Variants in PIK3C3 observed in about 807,000 individuals in gnomAD.
PIK3C3 encodes phosphatidylinositol 3-kinase catalytic subunit type 3, also known as PI3-kinase type 3.
PIK3C3 carries 95 observed loss-of-function variants against 126.1 expected under a neutral mutation model. The ratio of observed to expected loss-of-function variants is 0.75; its 90% CI spans 0.64 to 0.89. The LOEUF is 0.89. Ranked by LOEUF, PIK3C3 falls within the 40% of genes least tolerant of loss-of-function variation. The probability of loss-of-function intolerance (pLI) is 0.00; values close to 1 mark genes in which losing one functional copy is unlikely to be tolerated. For missense variants in PIK3C3, 829 were observed against 1,063.2 expected (o/e 0.78, Z 3.06); for synonymous variants, 374 against 360.0 (o/e 1.04, Z -0.44).
intron 4 of PIK3C3, among the ~76,000 whole-genome samples, chr18:41,977,472 G>A (rs1009490307): frequency 1.3e-5 from 2 of 151,998 alleles, no homozygotes; most frequent in South Asian, 2.1e-4. Flanking sequence ...AGAGCCATGA[G>A]AGGAAGTGGC....
At chr18:42,070,659 C>T (rs1985736330) in intron 24 of PIK3C3, 1 of 152,120 alleles carries the variant, frequency 6.6e-6, no homozygotes, top group Admixed American at 6.6e-5. Context: ...GAGGTTAAAA[C>T]ATCTGTTTTT....
At chr18:42,006,412 A>C (rs1982545146) in intron 10 of PIK3C3, among the ~76,000 whole-genome samples, 2 of 119,104 alleles carry the variant, frequency 1.7e-5, no homozygotes, top group African/African-American at 8.8e-5. Context: ...TGATTGATTA[A>C]ATCATTGGCT....
chr18:41,976,174 T>C (rs557397265), intron 4 of PIK3C3, among the ~76,000 whole-genome samples: 62 of 152,284 alleles, frequency 4.1e-4, no homozygotes, highest in Admixed American at 1.2e-3. Context: ...TAAAGTGGGA[T>C]TGAAGTAGTT....
At chr18:41,991,361 T>G (rs1981768669) in intron 6 of PIK3C3, among the ~76,000 whole-genome samples, 1 of 151,996 alleles carries the variant, frequency 6.6e-6, no homozygotes, top group Non-Finnish European at 1.5e-5. Context: ...CATCTTTATT[T>G]AAAATAAATA....
At chr18:42,009,419 A>T (rs1049157767) in intron 10 of PIK3C3, among the ~76,000 whole-genome samples, 2 of 152,218 alleles carry the variant, frequency 1.3e-5, no homozygotes, top group African/African-American at 4.8e-5. Flanking sequence ...AGAGAAATAT[A>T]CAGTCATACC....
chr18:42,044,763 A>T (rs957287177), intron 20 of PIK3C3, among the ~76,000 whole-genome samples: 5 of 152,040 alleles, frequency 3.3e-5, no homozygotes, highest in Admixed American at 2.0e-4. Context: ...TAGATTGTTT[A>T]TGGGAGGATT....
intron 5 of PIK3C3, 138 bp from the exon 6 acceptor site, chr18:41,990,321 A>C: frequency 1.6e-6 from 1 of 624,070 alleles, no homozygotes. Flanking sequence ...CATGTATATA[A>C]TAAAATAAAA....
intron 23 of PIK3C3, among the ~76,000 whole-genome samples, chr18:42,065,110 C>T (rs2144517387): frequency 6.6e-6 from 1 of 152,254 alleles, no homozygotes; most frequent in East Asian, 1.9e-4. Context: ...TGAATTTAGC[C>T]AAGTTAACTG....
chr18:42,051,774 C>G (rs1226241579), intron 21 of PIK3C3, among the ~76,000 whole-genome samples: 2 of 151,876 alleles, frequency 1.3e-5, no homozygotes, highest in African/African-American at 4.8e-5. Context: ...TTGGTTGAAT[C>G]TTTTAACCAC....
intron 16 of PIK3C3, among the ~76,000 whole-genome samples, chr18:42,036,711 A>G (rs574216899): frequency 6.6e-6 from 1 of 152,252 alleles, no homozygotes; most frequent in East Asian, 1.9e-4. Context: ...ACTGTGGGGA[A>G]AACATAATAT....
Position 42,029,350 on chromosome 18 carries a change from G to C in PIK3C3, c.1616G>C (p.Arg539Pro), listed in dbSNP as rs766344105. The change falls in exon 15 of 25, where the codon CGT becomes CCT. Residue 539 changes from arginine (R) to proline (P), a missense_variant. Transcript: ENST00000262039. ...GGTGATAAGTCTGTCAGAGTTATGC[G>C]TTCTTTGCTGGCTGCACAACAGACA... ...LKGDKSVRVM[R>P]SLLAAQQTFV... 1 of 1,613,512 alleles carries C rather than the reference G, an allele frequency of 6.2e-7. No individual in the cohort carries two copies. Among genetic ancestry groups the C allele is most frequent in the Non-Finnish European group, 8.5e-7 (1 of 1,179,618 alleles).
At chr18:42,066,885 C>G (rs1985563861) in intron 23 of PIK3C3, among the ~76,000 whole-genome samples, 1 of 151,932 alleles carries the variant, frequency 6.6e-6, no homozygotes, top group Non-Finnish European at 1.5e-5. Flanking sequence ...CTTAGAAGAT[C>G]ACATTTAGTT....
In PIK3C3 at chr18:41,995,926, C is replaced by A. The variant is rs775099917; in HGVS notation, c.823C>A (p.Arg275=). The change falls in exon 8 of 25, where the codon CGG becomes AGG. Residue 275 remains arginine, a synonymous_variant. Transcript: ENST00000262039. ...LVESKHHKLA[R]SLRSGPSDHD... ...TGAGAGCAAACACCACAAGCTTGCC[C>A]GGAGTTTAAGAAGTGGACCTTCTGA... The A allele has an allele frequency of 3.1e-6, 5 of 1,612,982 alleles. No individual in the cohort carries two copies. Among genetic ancestry groups the A allele is most frequent in the Non-Finnish European group, 4.2e-6 (5 of 1,179,274 alleles).
At chr18:42,046,865 A>G (rs998561819) in intron 20 of PIK3C3, among the ~76,000 whole-genome samples, 1 of 152,068 alleles carries the variant, frequency 6.6e-6, no homozygotes, top group African/African-American at 2.4e-5. Flanking sequence ...CCATATGTTG[A>G]TACATATATT....
chr18:42,076,313 A>G (rs1304250348), intron 24 of PIK3C3, among the ~76,000 whole-genome samples: 1 of 151,296 alleles, frequency 6.6e-6, no homozygotes, highest in Non-Finnish European at 1.5e-5. Context: ...TGTTGTGAGT[A>G]GTGAGTTTTT....
rs946786775 is a variant in PIK3C3 at position 41,971,670 on chromosome 18, C to T, written c.531+1214C>T. On this transcript the variant is annotated intron_variant, in intron 4 of 24. Coordinates refer to ENST00000262039, the MANE Select transcript of PIK3C3 (RefSeq NM_002647.4). The stretch of plus-strand genomic sequence containing the variant: ...AGCTACTCTCTGTCCCTTTTACAAA[C>T]CTTGAATAGTTAATATAAATTTTAT... Among the ~76,000 whole-genome samples the T allele has an allele frequency of 2.0e-5, 3 of 152,024 alleles. No homozygotes were observed. The East Asian group carries it at 5.8e-4, about 29-fold the overall frequency.
At chr18:42,040,054 C>T (rs1984235042) in intron 18 of PIK3C3, among the ~76,000 whole-genome samples, 1 of 151,692 alleles carries the variant, frequency 6.6e-6, no homozygotes, top group Non-Finnish European at 1.5e-5. Flanking sequence ...TTGCTTCATC[C>T]AACTTTTTTT....
At chr18:41,958,920 G>A (rs1202742417) in intron 2 of PIK3C3, among the ~76,000 whole-genome samples, 2 of 151,906 alleles carry the variant, frequency 1.3e-5, no homozygotes, top group East Asian at 1.9e-4. Context: ...AACCTCAAAC[G>A]TTATAACACC....
intron 13 of PIK3C3, chr18:42,026,336 A>G (rs1341048604): frequency 2.0e-5 from 3 of 151,230 alleles, no homozygotes; most frequent in African/African-American, 7.4e-5. Flanking sequence ...ATTTGTATTT[A>G]AAGAAAAATG....
Sources: gnomAD v4.1 joint callset for allele counts (sites outside exome capture counted in the v4.1 genomes callset) on GRCh38, gnomAD v4.1.1 for gene constraint, MANE v1.5 for transcripts, NCBI Gene and HGNC (gene_info 2026-07-23, HGNC 2026-07-21) for gene names.